ULK4: variants seen among roughly 807,000 people sequenced by gnomAD.
The protein encoded by ULK4 is unc-51 like kinase 4.
A neutral mutation model predicts 160.6 loss-of-function variants in ULK4; 133 were observed. That is an observed-to-expected ratio of 0.83 (90% confidence interval 0.72 to 0.96). The LOEUF (loss-of-function observed/expected upper bound fraction) is 0.96, where lower values mean the gene tolerates loss of function less well. ULK4 is among the 40% of genes least tolerant of loss of function. The pLI is 0.00. For synonymous variants in ULK4, 534 were observed against 539.8 expected, an observed-to-expected ratio of 0.99 and a Z score of 0.15; for missense variants, 1,580 against 1,499.5, an observed-to-expected ratio of 1.05 and a Z score of -0.89.
At chr3:41,738,775 G>A (rs1390094326) in intron 22 of ULK4, among the ~76,000 whole-genome samples, 1 of 151,914 alleles carries the variant, frequency 6.6e-6, no homozygotes, top group African/African-American at 2.4e-5. Context: ...GAATTAAGAG[G>A]TAAAACATAC....
chr3:41,430,520 A>G (rs2125845717), intron 34 of ULK4, among the ~76,000 whole-genome samples: 1 of 152,302 alleles, frequency 6.6e-6, no homozygotes, highest in South Asian at 2.1e-4. Context: ...CAGTTTTTGC[A>G]CCAGTAGAGC....
intron 35 of ULK4, among the ~76,000 whole-genome samples, chr3:41,286,988 T>C (rs1025337152): frequency 6.6e-6 from 1 of 152,124 alleles, no homozygotes; most frequent in African/African-American, 2.4e-5. Context: ...TAGGATGCCA[T>C]AGGTATATAT....
chr3:41,948,719 C>CT (rs1415557169), intron 2 of ULK4, among the ~76,000 whole-genome samples: 6 of 61,292 alleles, frequency 9.8e-5, no homozygotes, highest in African/African-American at 1.4e-4. Context: ...ATTCAACAAC[C>CT]TTTAAAAAAA....
At position 41,715,487 on chromosome 3, in the gene ULK4, A is replaced by G; in HGVS notation, c.2537T>C (p.Leu846Pro). Reference protein sequence around the residue: ...TVQVKQLKLCLPLMPVVLHLV... With the variant: ...TVQVKQLKLCPPLMPVVLHLV... Reference sequence around the variant, plus strand: ...GTGAAGCACTACAGGCATCAGGGGGAGACACAACTTCAGCTGTTTCACTTG... The same window carrying G: ...GTGAAGCACTACAGGCATCAGGGGGGGACACAACTTCAGCTGTTTCACTTG... Residue 846 changes from leucine (L) to proline (P), a missense_variant, in exon 24 of 37, where the codon CTC becomes CCC. Transcript: ENST00000301831. The G allele has an allele frequency of 1.2e-6, 2 of 1,614,146 alleles. No homozygotes were observed.
intron 22 of ULK4, among the ~76,000 whole-genome samples, chr3:41,721,362 A>ATATATATATATATATATT (rs1553639902): frequency 1.1e-4 from 3 of 27,958 alleles, no homozygotes; most frequent in Non-Finnish European, 1.7e-4. Context: ...ATATATATAT[A>ATATATATATATATATATT]TTTTTTTTTT....
Position 41,715,486 on chromosome 3 carries a change from G to T in ULK4, c.2538C>A (p.Leu846=). The part of the protein sequence containing the change: ...TVQVKQLKLC[L]PLMPVVLHLV... ...GGTGAAGCACTACAGGCATCAGGGG[G>T]AGACACAACTTCAGCTGTTTCACTT... Residue 846 remains leucine (L), a synonymous_variant, in exon 24 of 37, where the codon CTC becomes CTA. Transcript: ENST00000301831. 1 of 1,614,082 alleles carries T rather than the reference G, an allele frequency of 6.2e-7. No homozygotes were observed. Among genetic ancestry groups the T allele is most frequent in the Non-Finnish European group, 8.5e-7 (1 of 1,179,988 alleles).
At chr3:41,876,895 G>A (rs745982993) in intron 17 of ULK4, among the ~76,000 whole-genome samples, 2 of 152,174 alleles carry the variant, frequency 1.3e-5, no homozygotes, top group African/African-American at 2.4e-5. Context: ...GAGGATCCCC[G>A]GGTATGCTGG....
intron 25 of ULK4, among the ~76,000 whole-genome samples, chr3:41,713,033 T>C (rs953757820): frequency 2.0e-5 from 3 of 151,850 alleles, no homozygotes; most frequent in African/African-American, 7.3e-5. Context: ...GTTCTGTGGA[T>C]TGGGCTACAG....
intron 35 of ULK4, among the ~76,000 whole-genome samples, chr3:41,307,368 T>C (rs1311736836): frequency 3.9e-5 from 6 of 152,088 alleles, no homozygotes; most frequent in Non-Finnish European, 8.8e-5. Context: ...TTAGTGAAGG[T>C]AGGTGCTTTT....
intron 35 of ULK4, among the ~76,000 whole-genome samples, chr3:41,393,530 C>T (rs555625655): frequency 1.3e-5 from 2 of 152,232 alleles, no homozygotes; most frequent in East Asian, 3.9e-4. Context: ...TTGCCAACTT[C>T]CTCCCCAAAA....
intron 17 of ULK4, among the ~76,000 whole-genome samples, chr3:41,844,350 G>A (rs921822867): frequency 5.8e-4 from 89 of 152,246 alleles, no homozygotes; most frequent in African/African-American, 1.8e-3. Flanking sequence ...GAAATCGAGC[G>A]CAGCGCCGGT....
intron 32 of ULK4, among the ~76,000 whole-genome samples, chr3:41,495,564 C>T (rs978423568): frequency 6.6e-6 from 1 of 150,918 alleles, no homozygotes; most frequent in Non-Finnish European, 1.5e-5. Flanking sequence ...CAACAAAGGA[C>T]AAAATTGACA....
chr3:41,660,966 T>C (rs2035131718), intron 30 of ULK4, among the ~76,000 whole-genome samples: 1 of 152,246 alleles, frequency 6.6e-6, no homozygotes, highest in Non-Finnish European at 1.5e-5. Context: ...ATATTATGGC[T>C]ATATCATAGT....
At chr3:41,645,847 C>A (rs562562691) in intron 30 of ULK4, among the ~76,000 whole-genome samples, 1 of 152,244 alleles carries the variant, frequency 6.6e-6, no homozygotes, top group South Asian at 2.1e-4. Context: ...GTAGGTCACT[C>A]AGGACTTGCT....
At chr3:41,488,567 C>T (rs186581097) in intron 32 of ULK4, among the ~76,000 whole-genome samples, 2 of 152,238 alleles carry the variant, frequency 1.3e-5, no homozygotes, top group Admixed American at 6.5e-5. Context: ...TAACATCTTG[C>T]AAAGAATTAA....
At chr3:41,521,385 A>G (rs2085927935) in intron 32 of ULK4, among the ~76,000 whole-genome samples, 2 of 151,610 alleles carry the variant, frequency 1.3e-5, no homozygotes, top group African/African-American at 2.4e-5. Flanking sequence ...TTTTTTTTCA[A>G]TTTTCAAAAA....
chr3:41,421,014 T>G (rs2082652338), intron 34 of ULK4, among the ~76,000 whole-genome samples: 1 of 151,688 alleles, frequency 6.6e-6, no homozygotes, highest in Non-Finnish European at 1.5e-5. Context: ...TTTGAGAGGC[T>G]GAGGCAGAAG....
At chr3:41,402,450 A>G (rs2082201533) in intron 34 of ULK4, among the ~76,000 whole-genome samples, 1 of 152,124 alleles carries the variant, frequency 6.6e-6, no homozygotes, top group African/African-American at 2.4e-5. Flanking sequence ...TTAGGGAGAA[A>G]GGATTTAGTA....
At chr3:41,668,272 A>C (rs1292345138) in intron 29 of ULK4, among the ~76,000 whole-genome samples, 1 of 152,230 alleles carries the variant, frequency 6.6e-6, no homozygotes, top group Non-Finnish European at 1.5e-5. Flanking sequence ...CTGCTAAATG[A>C]AAGGCTAGAC....
Sources: allele counts gnomAD v4.1 joint callset (sites outside exome capture counted in the v4.1 genomes callset), GRCh38; gene constraint gnomAD v4.1.1; transcripts MANE v1.5; gene names NCBI Gene and HGNC (gene_info 2026-07-23, HGNC 2026-07-21).